ARHGEF3: variants seen among roughly 807,000 people sequenced by gnomAD.
The protein encoded by ARHGEF3 is 59.8 kDA protein.
ARHGEF3 carries 28 observed loss-of-function variants against 63.2 expected under a neutral mutation model. The ratio of observed to expected loss-of-function variants is 0.44; its 90% CI spans 0.33 to 0.61. The LOEUF (loss-of-function observed/expected upper bound fraction) is 0.61, where lower values mean the gene tolerates loss of function less well. ARHGEF3 is among the 20% of genes least tolerant of loss of function. The pLI is 0.03. For missense variants in ARHGEF3, 533 were observed against 659.3 expected, an observed-to-expected ratio of 0.81 and a Z score of 2.10; for synonymous variants, 266 against 254.2, an observed-to-expected ratio of 1.05 and a Z score of -0.44.
chr3:56,988,960 A>G (rs1701642464), intron 2 of ARHGEF3, among the ~76,000 whole-genome samples: 1 of 152,166 alleles, frequency 6.6e-6, no homozygotes, highest in South Asian at 2.1e-4. Flanking sequence ...AGGGGAAGGT[A>G]CCCTCTTGAG....
chr3:57,021,083 G>A (rs1703238018), intron 2 of ARHGEF3, among the ~76,000 whole-genome samples: 1 of 152,194 alleles, frequency 6.6e-6, no homozygotes, highest in Admixed American at 6.5e-5. Flanking sequence ...ACATCTTCAT[G>A]GAGTACTAAT....
chr3:56,879,869 G>A (rs1175684545), intron 4 of ARHGEF3, among the ~76,000 whole-genome samples: 1 of 152,134 alleles, frequency 6.6e-6, no homozygotes, highest in Non-Finnish European at 1.5e-5. Context: ...TTGCCTTTAT[G>A]GCAAAACATC....
rs145461330 is a variant in ARHGEF3 at position 56,897,245 on chromosome 3, A to G, written c.130-14891T>C. ...AGACTTGGCTAGGGAGAGCCCTACA[A>G]CCTGGTGCCTGTGTCCAGCTTGTTC... On this transcript the variant is annotated intron_variant, in intron 3 of 12. Transcript: ENST00000338458. 8.7e-4 allele frequency among the ~76,000 whole-genome samples: 133 copies of G among 152,302 alleles called. 2 individuals carry two copies. In the South Asian group the frequency reaches 0.025, roughly 28 times the overall value.
chr3:56,791,696 G>C (rs2037084508), intron 1 of ARHGEF3, among the ~76,000 whole-genome samples: 1 of 152,042 alleles, frequency 6.6e-6, no homozygotes, highest in South Asian at 2.1e-4. Flanking sequence ...CACGCCAAGA[G>C]GTCAAGGCTG....
chr3:56,910,479 G>A (rs1445276111), intron 3 of ARHGEF3, among the ~76,000 whole-genome samples: 1 of 152,156 alleles, frequency 6.6e-6, no homozygotes, highest in Non-Finnish European at 1.5e-5. Context: ...GGACCCCACT[G>A]GTGATATAAT....
chr3:56,830,287 A>C lies in ARHGEF3; in HGVS notation c.192+52005T>G, dbSNP rs111779086. Among the ~76,000 whole-genome samples the C allele has an allele frequency of 6.8e-3, 1,039 of 152,192 alleles. 4 individuals carry two copies. The highest frequency in any genetic ancestry group is 0.02 in the Middle Eastern group (6 of 294). On this transcript the variant is annotated intron_variant, in intron 4 of 12. Coordinates refer to the ARHGEF3 transcript ENST00000338458. ...GTGGGGATGGTTGGTGCTAGTGCTG[A>C]TGATGATAGGGAGGCTGATGATACT...
chr3:56,750,736 G>A (rs2034688920), intron 6 of ARHGEF3, among the ~76,000 whole-genome samples: 1 of 145,854 alleles, frequency 6.9e-6, no homozygotes, highest in Admixed American at 6.9e-5. Context: ...TATTATGTTA[G>A]CGATTGGCCT....
At chr3:56,953,722 G>C (rs7618565) in intron 3 of ARHGEF3, among the ~76,000 whole-genome samples, 1 of 152,190 alleles carries the variant, frequency 6.6e-6, no homozygotes, top group Non-Finnish European at 1.5e-5. Flanking sequence ...GGATTTCATA[G>C]ATGGATCCTG....
intron 4 of ARHGEF3, among the ~76,000 whole-genome samples, chr3:56,861,182 C>T (rs2040060349): frequency 1.3e-5 from 2 of 152,138 alleles, no homozygotes; most frequent in South Asian, 2.1e-4. Context: ...CAGTATGAAG[C>T]GCCTGTCACC....
chr3:57,067,454 A>AATAAT (rs1705609438), intron 1 of ARHGEF3, among the ~76,000 whole-genome samples: 1 of 140,458 alleles, frequency 7.1e-6, no homozygotes, highest in Non-Finnish European at 1.5e-5. Context: ...CTCTGTCTCA[A>AATAAT]AATAATAATA....
At chr3:56,998,843 C>T (rs908937751) in intron 2 of ARHGEF3, among the ~76,000 whole-genome samples, 7 of 152,170 alleles carry the variant, frequency 4.6e-5, no homozygotes, top group African/African-American at 1.2e-4. Context: ...TCAGCAGATA[C>T]CCTGAAGCAG....
intron 4 of ARHGEF3, among the ~76,000 whole-genome samples, chr3:56,872,120 T>C (rs192215801): frequency 6.6e-6 from 1 of 152,358 alleles, no homozygotes; most frequent in Admixed American, 6.5e-5. Flanking sequence ...TAACTATATT[T>C]CAACATAACT....
intron 4 of ARHGEF3, among the ~76,000 whole-genome samples, chr3:56,836,241 T>C (rs1434738049): frequency 3.9e-5 from 6 of 152,228 alleles, no homozygotes; most frequent in African/African-American, 1.4e-4. Flanking sequence ...AGTTCATCTC[T>C]TTCCTTTAGG....
At chr3:56,979,647 T>C (rs186917703) in intron 2 of ARHGEF3, among the ~76,000 whole-genome samples, 67 of 152,338 alleles carry the variant, frequency 4.4e-4, no homozygotes, top group Non-Finnish European at 8.1e-4. Flanking sequence ...GTGCTTATCC[T>C]AGATCGCCTC....
chr3:56,780,644 A>C (rs1412070869), intron 1 of ARHGEF3, among the ~76,000 whole-genome samples: 1 of 151,580 alleles, frequency 6.6e-6, no homozygotes, highest in Non-Finnish European at 1.5e-5. Flanking sequence ...GTCTTTCATG[A>C]TCTTATAGCA....
chr3:57,026,828 A>C (rs1190228652), intron 2 of ARHGEF3, among the ~76,000 whole-genome samples: 1 of 152,212 alleles, frequency 6.6e-6, no homozygotes, highest in African/African-American at 2.4e-5. Flanking sequence ...AGACACTGCC[A>C]GGCCCTTAAG....
At chr3:56,788,852 G>A (rs1236490099) in intron 1 of ARHGEF3, among the ~76,000 whole-genome samples, 1 of 152,124 alleles carries the variant, frequency 6.6e-6, no homozygotes, top group Admixed American at 6.6e-5. Context: ...AGAAATGAAT[G>A]TGAAGCTTGC....
At chr3:56,753,352 T>A in intron 4 of ARHGEF3, 152 bp downstream of exon 4, 3 of 663,694 alleles carry the variant, frequency 4.5e-6, no homozygotes, top group Non-Finnish European at 7.8e-6. Context: ...TCTGCCCTCT[T>A]GTTTTGAAAC....
intron 2 of ARHGEF3, among the ~76,000 whole-genome samples, chr3:56,989,944 G>C (rs962158074): frequency 3.3e-5 from 5 of 152,318 alleles, no homozygotes; most frequent in Non-Finnish European, 7.3e-5. Flanking sequence ...AAACTTCAAA[G>C]TAATCCTCAT....
Sources: gnomAD v4.1 joint callset for allele counts (sites outside exome capture counted in the v4.1 genomes callset) on GRCh38, gnomAD v4.1.1 for gene constraint, MANE v1.5 for transcripts, NCBI Gene and HGNC (gene_info 2026-07-23, HGNC 2026-07-21) for gene names.